The following CLASP1 variants were observed in gnomAD, a reference collection of about 807,000 sequenced individuals.
The protein encoded by CLASP1 is CLIP-associating protein 1.
CLASP1 carries 38 observed loss-of-function variants against 192.3 expected under a neutral mutation model. That is an observed-to-expected ratio of 0.20 (90% CI 0.15 to 0.26). The LOEUF (loss-of-function observed/expected upper bound fraction) is 0.26. Ranked by LOEUF, CLASP1 falls within the 10% of genes least tolerant of loss-of-function variation. CLASP1 has a pLI of 1.00. For synonymous variants in CLASP1, 691 were observed against 712.8 expected (o/e 0.97, Z 0.49); for missense variants, 1,433 against 1,932.5 (o/e 0.74, Z 4.85).
intron 23 of CLASP1, among the ~76,000 whole-genome samples, chr2:121,415,664 C>T (rs1354773742): frequency 6.6e-6 from 1 of 152,180 alleles, no homozygotes; most frequent in Non-Finnish European, 1.5e-5. Flanking sequence ...TGCTTCCATT[C>T]ATTACTCTGA....
In CLASP1 at chr2:121,589,056, A is replaced by C. The variant is rs72972707; in HGVS notation, c.195+16645T>G. On this transcript the variant is annotated intron_variant, in intron 2 of 39. Transcript: ENST00000263710. ...AGTTGGGGTCATAAACAGCATGAAC[A>C]CAACACTGAAGAGAGGCCTGCATCC... 2.2e-3 allele frequency among the ~76,000 whole-genome samples: 334 copies of C among 152,312 alleles called. 1 individual carries two copies. The highest frequency in any genetic ancestry group is 7.7e-3 in the African/African-American group (322 of 41,566).
chr2:121,491,975 C>T (rs755278524), intron 8 of CLASP1, among the ~76,000 whole-genome samples: 7 of 152,194 alleles, frequency 4.6e-5, no homozygotes, highest in Non-Finnish European at 8.8e-5. Context: ...CCATTAAATA[C>T]GTTTCTTCCA....
intron 34 of CLASP1, among the ~76,000 whole-genome samples, chr2:121,374,181 T>C (rs2069421737): frequency 6.6e-6 from 1 of 152,248 alleles, no homozygotes; most frequent in Admixed American, 6.5e-5. Flanking sequence ...CTGCTCCAGC[T>C]CCAGCTATGG....
rs202100464 is a variant in CLASP1, at chr2:121,348,492, C to T, written c.4413+20G>A. 11 of 1,591,768 alleles carry T rather than the reference C, an allele frequency of 6.9e-6. No homozygotes were observed. In the East Asian group the frequency reaches 2.5e-4, roughly 36 times the overall value. ...ACCCCACACAGGCCGGGGGCAGGCC[C>T]CACCAACACGAGGGCCTACCTGCAG... On this transcript the variant is annotated intron_variant, in intron 38 of 39. Coordinates refer to ENST00000263710, the Ensembl canonical transcript of CLASP1.
At chr2:121,460,290 C>A (rs1164302423) in intron 11 of CLASP1, among the ~76,000 whole-genome samples, 165 bp from the exon 12 acceptor site, 4 of 152,076 alleles carry the variant, frequency 2.6e-5, no homozygotes, top group African/African-American at 4.8e-5. Flanking sequence ...ATACAATAAA[C>A]AAATCTACAT....
intron 2 of CLASP1, chr2:121,531,025 T>C (rs528452342): frequency 7.1e-5 from 50 of 700,062 alleles, no homozygotes; most frequent in African/African-American, 2.4e-4. Context: ...CCTGTTTTCA[T>C]AGACTTATCA....
In CLASP1 at chr2:121,464,247, G is replaced by T. The variant is rs564961692; in HGVS notation, c.866-1642C>A. Among the ~76,000 whole-genome samples, 6 of 152,008 alleles carry T rather than the reference G, an allele frequency of 3.9e-5. No homozygotes were observed. The South Asian group carries it at 1.2e-3, about 32-fold the overall frequency. ...CATTTTCTTAATCCAGTCTATCATT[G>T]TTGGACATTTGGGTTGGTTCCAAGT... On this transcript the variant is annotated intron_variant, in intron 9 of 39. Transcript: ENST00000263710.
intron 39 of CLASP1, among the ~76,000 whole-genome samples, chr2:121,345,602 C>G (rs2063349737): frequency 6.6e-6 from 1 of 152,182 alleles, no homozygotes; most frequent in Non-Finnish European, 1.5e-5. Flanking sequence ...TGCTCTGTAT[C>G]TTTCAGATAA....
intron 2 of CLASP1, among the ~76,000 whole-genome samples, chr2:121,576,200 TA>T (rs1344557939): frequency 3.9e-5 from 6 of 152,072 alleles, no homozygotes; most frequent in Non-Finnish European, 5.9e-5. Flanking sequence ...ATTTTTTTTT[TA>T]AAAAAAGGGG....
intron 19 of CLASP1, among the ~76,000 whole-genome samples, chr2:121,446,502 C>T (rs2084370950): frequency 6.6e-6 from 1 of 152,214 alleles, no homozygotes; most frequent in South Asian, 2.1e-4. Context: ...TGAGTAACTC[C>T]ACCTCAATAT....
chr2:121,480,590 T>C (rs1318699828), intron 8 of CLASP1, among the ~76,000 whole-genome samples: 1 of 152,010 alleles, frequency 6.6e-6, no homozygotes, highest in Non-Finnish European at 1.5e-5. Flanking sequence ...CCAACCTCAT[T>C]TGAGGTATAA....
rs377737576 is a variant in CLASP1 at position 121,404,330 on chromosome 2, A to G, written c.2733+41T>C. On this transcript the variant is annotated intron_variant, in intron 26 of 39. Coordinates refer to ENST00000263710, the Ensembl canonical transcript of CLASP1. ...AGTATATCACACAGAGCACACAGAC[A>G]TGCAGGGGTAAAGACAGGGCAGGCA... 5 of 1,602,920 alleles carry G rather than the reference A, an allele frequency of 3.1e-6. No homozygotes were observed. The African/African-American group carries it at 5.3e-5, about 17-fold the overall frequency.
chr2:121,613,023 G>T (rs941082229), intron 1 of CLASP1, among the ~76,000 whole-genome samples: 22 of 152,204 alleles, frequency 1.4e-4, no homozygotes, highest in African/African-American at 5.1e-4. Context: ...TGATACAGAA[G>T]AAACAGTAGA....
intron 2 of CLASP1, among the ~76,000 whole-genome samples, chr2:121,549,395 A>T (rs1306085165): frequency 6.6e-6 from 1 of 152,204 alleles, no homozygotes; most frequent in Non-Finnish European, 1.5e-5. Flanking sequence ...TAACTATCCT[A>T]AATACATATA....
exon 16 of CLASP1, chr2:121,450,980 C>T (rs1347916943): frequency 1.3e-6 from 2 of 1,590,594 alleles, no homozygotes; most frequent in Non-Finnish European, 1.7e-6. Context: ...TCAGCTAATA[C>T]TGATATGTGT....
In CLASP1 at chr2:121,371,287, G is replaced by A. The variant is rs1445820210; in HGVS notation, c.3643-3456C>T. ...ACTCTGTCACCCAAGCTGGAGTGCA[G>A]TGGCACAATCGTAGCTTACTGCAGC... On this transcript the variant is annotated intron_variant, in intron 34 of 39. Coordinates refer to ENST00000263710, the Ensembl canonical transcript of CLASP1. Among the ~76,000 whole-genome samples, 21 of 151,984 alleles carry A rather than the reference G, an allele frequency of 1.4e-4. 1 individual carries two copies. Among genetic ancestry groups the A allele is most frequent in the Admixed American group, 1.4e-3 (21 of 15,254 alleles).
chr2:121,513,460 G>A (rs1182888688), intron 7 of CLASP1, among the ~76,000 whole-genome samples: 6 of 151,816 alleles, frequency 4.0e-5, no homozygotes, highest in Non-Finnish European at 7.4e-5. Context: ...GAAGAAGGAG[G>A]GGGTCATGTG....
chr2:121,441,224 T>C (rs2149727313), intron 19 of CLASP1, among the ~76,000 whole-genome samples: 1 of 152,298 alleles, frequency 6.6e-6, no homozygotes, highest in East Asian at 1.9e-4. Flanking sequence ...AATTCCCAAA[T>C]TACAGATTAT....
intron 2 of CLASP1, among the ~76,000 whole-genome samples, chr2:121,557,385 A>AC (rs962004521): frequency 2.6e-5 from 4 of 152,150 alleles, no homozygotes; most frequent in Non-Finnish European, 5.9e-5. Flanking sequence ...GGAGTTCGAG[A>AC]CCAGCCTGGC....
Sources: gnomAD v4.1 joint callset for allele counts (sites outside exome capture counted in the v4.1 genomes callset) on GRCh38, gnomAD v4.1.1 for gene constraint, MANE v1.5 for transcripts, NCBI Gene and HGNC (gene_info 2026-07-23, HGNC 2026-07-21) for gene names.